Variants in PDZRN4 observed in about 807,000 individuals in gnomAD.
The protein encoded by PDZRN4 is PDZ domain-containing RING finger protein 4.
PDZRN4 carries 70 observed loss-of-function variants against 99.0 expected under a neutral mutation model. The observed-to-expected ratio is 0.71, with a 90% CI of 0.58 to 0.86. PDZRN4 has a LOEUF of 0.86. Ranked by LOEUF, PDZRN4 falls within the 40% of genes least tolerant of loss-of-function variation. The pLI is 0.00. For missense variants in PDZRN4, 1,474 were observed against 1,331.2 expected, an observed-to-expected ratio of 1.11 and a Z score of -1.67; for synonymous variants, 551 against 501.6, an observed-to-expected ratio of 1.10 and a Z score of -1.32.
At chr12:41,403,269 G>T (rs983614543) in intron 3 of PDZRN4, among the ~76,000 whole-genome samples, 1 of 152,012 alleles carries the variant, frequency 6.6e-6, no homozygotes, top group Admixed American at 6.6e-5. Flanking sequence ...CGTTTGGCTG[G>T]TTTTTTTGCC....
chr12:41,199,258 G>A (rs1950798781), intron 3 of PDZRN4, among the ~76,000 whole-genome samples: 1 of 152,100 alleles, frequency 6.6e-6, no homozygotes, highest in South Asian at 2.1e-4. Context: ...AATTCAAACA[G>A]CTAAATATCA....
chr12:41,189,564 A>G (rs1428561089), intron 1 of PDZRN4, among the ~76,000 whole-genome samples: 1 of 152,072 alleles, frequency 6.6e-6, no homozygotes, highest in Non-Finnish European at 1.5e-5. Context: ...GCAGCCGCGC[A>G]CGCACACCTG....
rs1950714897 is a variant in PDZRN4, at chr12:41,188,910, G to A, written c.455G>A (p.Gly152Asp). ...GGCGCGCGCGGGGGGCCGCCGGGCG[G>A]CCGCTGGGGCCGCGGGCGGGGACCC... is the stretch of plus-strand genomic sequence containing the variant. ...GGGARGGPPG[G>D]RWGRGRGPGP... The change falls in exon 1 of 10, where the codon GGC (glycine) becomes GAC (aspartate). Residue 152 changes from glycine (G) to aspartate (D), a missense_variant. Coordinates refer to ENST00000402685, the MANE Select transcript of PDZRN4 (RefSeq NM_001164595.2). 4.4e-6 allele frequency: 5 copies of A among 1,127,424 alleles called. No individual in the cohort carries two copies. Among genetic ancestry groups the A allele is most frequent in the Non-Finnish European group, 5.4e-6 (5 of 922,708 alleles). The allele number at this position is 1,127,424 out of a possible 1,614,324, so 69.8% of individuals were successfully genotyped here.
chr12:41,307,703 A>G (rs1392045760), intron 3 of PDZRN4, among the ~76,000 whole-genome samples: 1 of 152,104 alleles, frequency 6.6e-6, no homozygotes, highest in African/African-American at 2.4e-5. Context: ...TTCTTCCAGA[A>G]CAATCTTTTC....
At chr12:41,265,784 T>A (rs1044652739) in intron 3 of PDZRN4, among the ~76,000 whole-genome samples, 2 of 152,290 alleles carry the variant, frequency 1.3e-5, no homozygotes, top group Admixed American at 1.3e-4. Flanking sequence ...GATACTATTA[T>A]CAATTGCAAA....
In PDZRN4 at chr12:41,512,454, G is replaced by A. The variant is rs75099641; in HGVS notation, c.1203+2541G>A. Among the ~76,000 whole-genome samples the A allele has an allele frequency of 3.3e-3, 496 of 152,186 alleles. 3 individuals carry two copies. The highest frequency in any genetic ancestry group is 0.021 in the South Asian group (102 of 4,812). ...TATAAGAGATCTAGCCATGTGAAAG[G>A]AGATTTTCAGAAAGAAGGAAGGGCA... On this transcript the variant is annotated intron_variant, in intron 5 of 9. Coordinates refer to ENST00000402685, the MANE Select transcript of PDZRN4 (RefSeq NM_001164595.2).
At position 41,547,049 on chromosome 12, in the gene PDZRN4, A is replaced by T. The variant is rs140006527; in HGVS notation, c.1204-5607A>T. Among the ~76,000 whole-genome samples, 81 of 152,326 alleles carry T rather than the reference A, an allele frequency of 5.3e-4. No individual in the cohort carries two copies. In the South Asian group the frequency reaches 6.0e-3, roughly 11 times the overall value. Reference sequence around the variant, plus strand: ...TTTTAATATCTGCTAAAAACTCAACATTCAACTATGAAAAACCTTGGATTC... The same window carrying T: ...TTTTAATATCTGCTAAAAACTCAACTTTCAACTATGAAAAACCTTGGATTC... On this transcript the variant is annotated intron_variant, in intron 5 of 9. Transcript: ENST00000402685.
intron 7 of PDZRN4, among the ~76,000 whole-genome samples, chr12:41,560,472 T>C (rs1364405446): frequency 6.6e-6 from 1 of 152,184 alleles, no homozygotes; most frequent in Non-Finnish European, 1.5e-5. Flanking sequence ...GCAATATCCA[T>C]TTTGAAACTA....
chr12:41,232,293 G>C (rs535950734), intron 3 of PDZRN4, among the ~76,000 whole-genome samples: 1 of 152,022 alleles, frequency 6.6e-6, no homozygotes, highest in South Asian at 2.1e-4. Flanking sequence ...AGCCTCACCT[G>C]CCCTTCAGCA....
At chr12:41,402,633 T>C (rs28584160) in intron 3 of PDZRN4, among the ~76,000 whole-genome samples, 2 of 62,364 alleles carry the variant, frequency 3.2e-5, no homozygotes, top group African/African-American at 1.8e-4. Context: ...AGTATATATA[T>C]ATATATATAT....
intron 5 of PDZRN4, 73 bp from the exon 6 acceptor site, chr12:41,552,583 A>G (rs1286352201): frequency 2.6e-6 from 3 of 1,144,482 alleles, no homozygotes; most frequent in Non-Finnish European, 3.9e-6. Context: ...CCCAAAGAAT[A>G]TCAGTGAGTT....
chr12:41,188,779 T>G lies in PDZRN4; in HGVS notation c.324T>G (p.Pro108=). The G allele has an allele frequency of 7.2e-7, 1 of 1,388,300 alleles. No homozygotes were observed. The highest frequency in any genetic ancestry group is 9.3e-7 in the Non-Finnish European group (1 of 1,078,946). The allele number at this position is 1,388,300 out of a possible 1,614,324, so 86.0% of individuals were successfully genotyped here. ...ACGTCGAGCACTGCGACTTCGGCCC[T>G]GCCCGCCGGCTCCGCAGCCGCGGGG... The part of the protein sequence containing the change: ...EAHVEHCDFG[P]ARRLRSRGGC... Residue 108 remains proline (P), a synonymous_variant, in exon 1 of 10, where the codon CCT becomes CCG. Transcript: ENST00000402685.
chr12:41,262,462 G>C (rs1292504393), intron 3 of PDZRN4, among the ~76,000 whole-genome samples: 2 of 152,192 alleles, frequency 1.3e-5, no homozygotes, highest in Non-Finnish European at 2.9e-5. Context: ...AAACTTTCAA[G>C]TAAGTGAGGG....
intron 3 of PDZRN4, among the ~76,000 whole-genome samples, chr12:41,328,301 A>T (rs1010643011): frequency 5.3e-5 from 8 of 152,164 alleles, no homozygotes; most frequent in African/African-American, 1.7e-4. Flanking sequence ...TACTGTGTAT[A>T]TAATACTGAA....
intron 3 of PDZRN4, among the ~76,000 whole-genome samples, chr12:41,484,719 T>C (rs180924813): frequency 1.3e-5 from 2 of 152,308 alleles, no homozygotes; most frequent in African/African-American, 2.4e-5. Context: ...TGCTGTAAAC[T>C]TAACAGTGTA....
At chr12:41,329,483 C>T (rs901812527) in intron 3 of PDZRN4, among the ~76,000 whole-genome samples, 1 of 151,960 alleles carries the variant, frequency 6.6e-6, no homozygotes, top group East Asian at 1.9e-4. Context: ...TTTTTTTCTG[C>T]TTAGTTAATT....
At chr12:41,340,846 G>A (rs1482468526) in intron 3 of PDZRN4, among the ~76,000 whole-genome samples, 7 of 151,748 alleles carry the variant, frequency 4.6e-5, no homozygotes, top group Admixed American at 4.0e-4. Context: ...ATTGAAGACG[G>A]GGAAGCACTT....
intron 3 of PDZRN4, among the ~76,000 whole-genome samples, chr12:41,465,959 G>A (rs560133180): frequency 6.6e-6 from 1 of 151,934 alleles, no homozygotes; most frequent in East Asian, 1.9e-4. Flanking sequence ...TTGCTTCCTT[G>A]TCCAGTACCA....
chr12:41,441,247 G>A (rs1485634272), intron 3 of PDZRN4, among the ~76,000 whole-genome samples: 1 of 152,086 alleles, frequency 6.6e-6, no homozygotes, highest in East Asian at 1.9e-4. Flanking sequence ...CCACATCAGG[G>A]TAAAGAAATT....
Sources: gnomAD v4.1 joint callset for allele counts (sites outside exome capture counted in the v4.1 genomes callset) on GRCh38, gnomAD v4.1.1 for gene constraint, MANE v1.5 for transcripts, NCBI Gene and HGNC (gene_info 2026-07-23, HGNC 2026-07-21) for gene names.